Variants in ATL2 observed in about 807,000 individuals in gnomAD.
ATL2 encodes the protein atlastin GTPase 2, also known as atlastin-2.
ATL2 carries 31 observed loss-of-function variants against 73.9 expected under a neutral mutation model. That is an observed-to-expected ratio of 0.42 (90% confidence interval 0.32 to 0.57). The LOEUF (loss-of-function observed/expected upper bound fraction) is 0.57, where lower values mean the gene tolerates loss of function less well. Among genes scored for constraint, ATL2 ranks in the 20% least tolerant of loss-of-function variants. ATL2 has a pLI of 0.14. For synonymous variants in ATL2, 291 were observed against 237.5 expected, an observed-to-expected ratio of 1.23 and a Z score of -2.07; for missense variants, 738 against 702.6, an observed-to-expected ratio of 1.05 and a Z score of -0.57.
chr2:38,334,890 TAA>T (rs1188708830), intron 2 of ATL2, among the ~76,000 whole-genome samples: 11 of 28,470 alleles, frequency 3.9e-4, no homozygotes, highest in Admixed American at 1.1e-3. Context: ...ATATAATATA[TAA>T]TATATATTAT....
chr2:38,340,850 T>C (rs1669672627), intron 2 of ATL2, among the ~76,000 whole-genome samples: 1 of 152,328 alleles, frequency 6.6e-6, no homozygotes, highest in South Asian at 2.1e-4. Context: ...AGGGCAATAC[T>C]ATAAATGAAA....
intron 1 of ATL2, among the ~76,000 whole-genome samples, chr2:38,361,991 T>G (rs1274973206): frequency 1.3e-5 from 2 of 152,240 alleles, no homozygotes; most frequent in Non-Finnish European, 2.9e-5. Flanking sequence ...TGTTATAGGA[T>G]AATTCTTAAA....
At chr2:38,302,481 A>C (rs1667241381) in intron 9 of ATL2, among the ~76,000 whole-genome samples, 2 of 151,766 alleles carry the variant, frequency 1.3e-5, no homozygotes, top group Admixed American at 1.3e-4. Flanking sequence ...CAATAACCAC[A>C]CAATAGTCAC....
chr2:38,331,843 T>C lies in ATL2; in HGVS notation c.363+11425A>G, dbSNP rs201972674. On this transcript the variant is annotated intron_variant, in intron 2 of 12. Coordinates refer to ENST00000378954, the MANE Select transcript of ATL2 (RefSeq NM_001135673.4). The stretch of plus-strand genomic sequence containing the variant: ...ACATCATTATTATGACATATACATA[T>C]ATAAATATATTTTATGTAATTAACA... Among the ~76,000 whole-genome samples the C allele has an allele frequency of 5.6e-4, 85 of 151,826 alleles. 1 individual carries two copies. Among genetic ancestry groups the C allele is most frequent in the East Asian group, 7.7e-4 (4 of 5,168 alleles).
At chr2:38,316,438 G>A (rs1418051024) in intron 4 of ATL2, among the ~76,000 whole-genome samples, 1 of 152,118 alleles carries the variant, frequency 6.6e-6, no homozygotes, top group Admixed American at 6.5e-5. Flanking sequence ...TAGATCATTA[G>A]TACTTAGCAT....
intron 11 of ATL2, among the ~76,000 whole-genome samples, chr2:38,298,830 C>T (rs1165392850): frequency 1.3e-5 from 2 of 152,138 alleles, no homozygotes; most frequent in African/African-American, 4.8e-5. Flanking sequence ...TCTGTATCTG[C>T]CTTCACTTGA....
At chr2:38,361,885 A>C (rs1342765290) in intron 1 of ATL2, among the ~76,000 whole-genome samples, 1 of 152,158 alleles carries the variant, frequency 6.6e-6, no homozygotes, top group African/African-American at 2.4e-5. Flanking sequence ...TTTTTTTAAA[A>C]ATTATTTAAG....
intron 2 of ATL2, among the ~76,000 whole-genome samples, chr2:38,336,178 T>C (rs1669346902): frequency 6.6e-6 from 1 of 152,222 alleles, no homozygotes; most frequent in African/African-American, 2.4e-5. Flanking sequence ...TCAGACACTG[T>C]TATCCTTAAA....
chr2:38,378,374 G>A (rs954936223), upstream of ATL2, among the ~76,000 whole-genome samples: 1 of 152,058 alleles, frequency 6.6e-6, no homozygotes, highest in African/African-American at 2.4e-5. Flanking sequence ...GGAGTAGCTG[G>A]GATTACAGTC....
chr2:38,369,382 A>T (rs1396091517), intron 1 of ATL2, among the ~76,000 whole-genome samples: 1 of 152,146 alleles, frequency 6.6e-6, no homozygotes, highest in Non-Finnish European at 1.5e-5. Context: ...CTCAGAAGGT[A>T]GAGTGAGCCG....
rs140834432 is a variant in ATL2 at position 38,362,052 on chromosome 2, T to A, written c.118+15091A>T. 6.6e-3 allele frequency among the ~76,000 whole-genome samples: 1,010 copies of A among 152,258 alleles called. 5 individuals carry two copies. The highest frequency in any genetic ancestry group is 0.01 in the Non-Finnish European group (702 of 68,010). On this transcript the variant is annotated intron_variant, in intron 1 of 12. Coordinates refer to ENST00000378954, the MANE Select transcript of ATL2 (RefSeq NM_001135673.4). Reference sequence around the variant, plus strand: ...TACAGCCATAGAAAGGAGACTCAAATCAGTCCACATAATGATGCTTATCAT... The same window carrying A: ...TACAGCCATAGAAAGGAGACTCAAAACAGTCCACATAATGATGCTTATCAT...
intron 2 of ATL2, among the ~76,000 whole-genome samples, chr2:38,328,472 A>G (rs1668793364): frequency 6.6e-6 from 1 of 152,188 alleles, no homozygotes; most frequent in Non-Finnish European, 1.5e-5. Flanking sequence ...AATACAAAGT[A>G]TGCTCTCATA....
chr2:38,303,324 G>C (rs955854258), intron 9 of ATL2, among the ~76,000 whole-genome samples: 1 of 151,962 alleles, frequency 6.6e-6, no homozygotes, highest in Admixed American at 6.6e-5. Flanking sequence ...TCCTACCTCA[G>C]TGTCCCAAGT....
intron 12 of ATL2, 132 bp downstream of exon 12, chr2:38,298,012 T>A: frequency 1.5e-5 from 13 of 840,198 alleles, no homozygotes; most frequent in East Asian, 5.3e-5. Context: ...AGATTCTACA[T>A]CTGAACAAAA....
intron 1 of ATL2, chr2:38,353,923 T>G (rs1284227676): frequency 5.9e-6 from 1 of 169,084 alleles, no homozygotes; most frequent in Non-Finnish European, 1.3e-5. Flanking sequence ...CCGGGTGCGG[T>G]GGCTCACGCC....
chr2:38,337,703 T>A (rs973555907), intron 2 of ATL2, among the ~76,000 whole-genome samples: 1 of 151,856 alleles, frequency 6.6e-6, no homozygotes, highest in Non-Finnish European at 1.5e-5. Flanking sequence ...CTGAGTTAGA[T>A]TATAGATGAA....
intron 11 of ATL2, among the ~76,000 whole-genome samples, chr2:38,298,869 T>C (rs1013494346): frequency 2.6e-5 from 4 of 152,144 alleles, no homozygotes; most frequent in Non-Finnish European, 4.4e-5. Context: ...GCACACAAAA[T>C]TGCTGGCAAG....
chr2:38,371,874 G>C (rs1671709926), intron 1 of ATL2, among the ~76,000 whole-genome samples: 1 of 152,170 alleles, frequency 6.6e-6, no homozygotes, highest in Non-Finnish European at 1.5e-5. Context: ...TCCAGCCTGG[G>C]TGACAGAGGG....
chr2:38,349,660 C>T (rs1670229344), intron 1 of ATL2, among the ~76,000 whole-genome samples: 3 of 151,018 alleles, frequency 2.0e-5, no homozygotes, highest in Admixed American at 2.0e-4. Context: ...TACCCTAAAA[C>T]TTAAAGTATA....
Sources: allele counts gnomAD v4.1 joint callset (sites outside exome capture counted in the v4.1 genomes callset), GRCh38; gene constraint gnomAD v4.1.1; transcripts MANE v1.5; gene names NCBI Gene and HGNC (gene_info 2026-07-23, HGNC 2026-07-21).